The following SCN1A variants were observed in gnomAD, a reference collection of about 807,000 sequenced individuals.
The protein encoded by SCN1A is sodium voltage-gated channel alpha subunit 1.
Under a neutral mutation model 193.7 loss-of-function variants are expected in SCN1A, and 13 were observed. That is an observed-to-expected ratio of 0.07 (90% CI 0.04 to 0.11). SCN1A has a LOEUF of 0.11. Ranked by LOEUF, SCN1A falls within the 10% of genes least tolerant of loss-of-function variation. SCN1A has a pLI of 1.00. For synonymous variants in SCN1A, 781 were observed against 843.6 expected, an observed-to-expected ratio of 0.93 and a Z score of 1.29; for missense variants, 1,432 against 2,451.1, an observed-to-expected ratio of 0.58 and a Z score of 8.78.
intron 22 of SCN1A, among the ~76,000 whole-genome samples, chr2:166,011,171 T>A (rs1463718202): frequency 1.3e-5 from 2 of 151,132 alleles, no homozygotes; most frequent in Non-Finnish European, 3.0e-5. Context: ...AATAGCTTAG[T>A]TTTGCCTTTG....
rs571513515 is a variant in SCN1A at position 166,009,912 on chromosome 2, A to G, written c.3880-71T>C. On this transcript the variant is annotated intron_variant, in intron 22 of 28. Transcript: ENST00000674923. ...CAATGTGTAGTTGCTATATAATACA[A>G]CAAGTATAATTTTTGCTTATAATTA... 2.0e-5 allele frequency: 28 copies of G among 1,421,258 alleles called. No homozygotes were observed. The East Asian group carries it at 4.7e-4, about 24-fold the overall frequency. 88.0% of individuals were successfully genotyped at this position (1,421,258 alleles called of 1,614,324 possible).
chr2:166,078,176 G>A (rs1404711666), intron 2 of SCN1A, among the ~76,000 whole-genome samples: 1 of 151,626 alleles, frequency 6.6e-6, no homozygotes, highest in South Asian at 2.1e-4. Context: ...GGGTGATTAT[G>A]ATATATCAAA....
chr2:165,993,396 A>T (rs1343688745), intron 28 of SCN1A: 1 of 152,094 alleles, frequency 6.6e-6, no homozygotes, highest in Non-Finnish European at 1.5e-5. Flanking sequence ...CTCGTTTTGG[A>T]TAGTAAAATA....
rs1691045272 is a variant in SCN1A, at chr2:166,002,536, C to T, written c.4220G>A (p.Arg1407Gln). ...AAAGTTTACTTTCACATTTTTCCAT[C>T]GAGCAGTCTCATTTCTTTCTATTAG... ...LKLIERNETARWKNVKVNFDN... is the reference protein window; with the variant it reads ...LKLIERNETAQWKNVKVNFDN... The change falls in exon 24 of 29, where the codon CGA becomes CAA. Residue 1407 changes from arginine to glutamine, a missense_variant. By Grantham distance (43) the Arg-to-Gln change is conservative. Transcript: ENST00000674923. 5.6e-6 allele frequency: 9 copies of T among 1,611,634 alleles called. No individual in the cohort carries two copies. In the Middle Eastern group the frequency reaches 6.6e-4, roughly 119 times the overall value.
chr2:166,051,667 C>T (rs1479046825), intron 9 of SCN1A, 52 bp downstream of exon 9: 30 of 1,407,910 alleles, frequency 2.1e-5, no homozygotes, highest in Non-Finnish European at 2.8e-5. Flanking sequence ...CTTTGTGTTA[C>T]AAACAATCCA....
At chr2:166,069,551 CAG>C (rs1443551321) in intron 4 of SCN1A, among the ~76,000 whole-genome samples, 1 of 152,178 alleles carries the variant, frequency 6.6e-6, no homozygotes, top group Non-Finnish European at 1.5e-5. Flanking sequence ...TAAAAGATTA[CAG>C]AGAGCTTCAG....
At chr2:166,089,488 C>A (rs146469656) in intron 2 of SCN1A, among the ~76,000 whole-genome samples, 2 of 151,736 alleles carry the variant, frequency 1.3e-5, no homozygotes, top group African/African-American at 4.8e-5. Flanking sequence ...AGACTACTTA[C>A]TTCTCAATGT....
chr2:166,000,473 C>G (rs1052273090), intron 24 of SCN1A, among the ~76,000 whole-genome samples: 1 of 151,668 alleles, frequency 6.6e-6, no homozygotes, highest in African/African-American at 2.4e-5. Flanking sequence ...AGGCTAACAA[C>G]TTACAGTAAT....
intron 19 of SCN1A, among the ~76,000 whole-genome samples, chr2:166,034,793 G>A (rs563981859): frequency 6.6e-6 from 1 of 152,086 alleles, no homozygotes; most frequent in African/African-American, 2.4e-5. Context: ...TAGGGCTGGT[G>A]CACTTATAAG....
chr2:166,020,929 C>T (rs1480726781), intron 19 of SCN1A, among the ~76,000 whole-genome samples: 2 of 152,200 alleles, frequency 1.3e-5, no homozygotes, highest in East Asian at 1.9e-4. Context: ...AACAAGGCAC[C>T]TAAAGTGACA....
In SCN1A at chr2:166,021,449, G is replaced by A. The variant is rs564694819; in HGVS notation, c.3430-5722C>T. Among the ~76,000 whole-genome samples the A allele has an allele frequency of 1.1e-4, 17 of 152,152 alleles. No individual in the cohort carries two copies. The South Asian group carries it at 3.3e-3, about 30-fold the overall frequency. On this transcript the variant is annotated intron_variant, in intron 19 of 28. Transcript: ENST00000674923. Reference sequence around the variant, plus strand: ...AGCCAAAACATGGGGAACAACAAGAGTTTTGATTGGCATGTTAAATAAGGA... The same window carrying A: ...AGCCAAAACATGGGGAACAACAAGAATTTTGATTGGCATGTTAAATAAGGA...
chr2:166,049,643 C>G (rs1476796995), intron 9 of SCN1A, among the ~76,000 whole-genome samples: 1 of 151,928 alleles, frequency 6.6e-6, no homozygotes, highest in Non-Finnish European at 1.5e-5. Context: ...CTTGCAATGT[C>G]CAGTTCTTCT....
chr2:166,073,299 C>T, intron 4 of SCN1A, 59 bp downstream of exon 4: 2 of 1,599,554 alleles, frequency 1.3e-6, no homozygotes, highest in Non-Finnish European at 1.7e-6. Flanking sequence ...GGTGCTACAA[C>T]AGTCCAAGGA....
intron 2 of SCN1A, chr2:166,081,803 A>G (rs944796396): frequency 6.6e-6 from 1 of 151,820 alleles, no homozygotes; most frequent in African/African-American, 2.4e-5. Context: ...CAATTCTCTC[A>G]TTTTCTCCTC....
intron 1 of SCN1A, among the ~76,000 whole-genome samples, chr2:166,136,997 T>G (rs773674830): frequency 6.6e-6 from 1 of 152,218 alleles, no homozygotes; most frequent in Non-Finnish European, 1.5e-5. Flanking sequence ...AGTCTTTCCC[T>G]CTACTTGTCC....
At chr2:166,077,108 T>G (rs146492590) in intron 3 of SCN1A, 2 of 152,020 alleles carry the variant, frequency 1.3e-5, no homozygotes, top group Non-Finnish European at 2.9e-5. Context: ...GAGGAGGAAT[T>G]GTGCCAGCTT....
chr2:165,997,086 C>T (rs1295243522), intron 26 of SCN1A, among the ~76,000 whole-genome samples: 1 of 151,064 alleles, frequency 6.6e-6, no homozygotes, highest in Non-Finnish European at 1.5e-5. Context: ...TTATATTACT[C>T]TAGGGGAGTA....
chr2:166,059,019 A>G (rs183150220), intron 4 of SCN1A, among the ~76,000 whole-genome samples: 199 of 152,234 alleles, frequency 1.3e-3, no homozygotes, highest in Non-Finnish European at 1.9e-3. Context: ...ATTTCATTTC[A>G]TTCCAAAAAA....
rs1697635871 is a variant in SCN1A, at chr2:166,045,083, T to C, written c.1622A>G (p.Asn541Ser). 4.3e-6 allele frequency: 7 copies of C among 1,614,184 alleles called. No individual in the cohort carries two copies. Among genetic ancestry groups the C allele is most frequent in the Non-Finnish European group, 5.9e-6 (7 of 1,180,012 alleles). The change falls in exon 13 of 29, where the codon AAC (asparagine) becomes AGC (serine). Residue 541 changes from asparagine (N) to serine (S), a missense_variant. Asn to Ser is a conservative substitution (Grantham distance 46). Coordinates refer to ENST00000674923, the MANE Select transcript of SCN1A (RefSeq NM_001165963.4). ...RKGFRFSIEG[N>S]RLTYEKRYSS... is the part of the protein sequence containing the mutation. The stretch of plus-strand genomic sequence containing the variant: ...GTACCTCTTTTCATATGTCAATCGG[T>C]TCCCTTCAATGGAGAAGCGAAAACC...
Sources: allele counts gnomAD v4.1 joint callset (sites outside exome capture counted in the v4.1 genomes callset), GRCh38; gene constraint gnomAD v4.1.1; transcripts MANE v1.5; gene names NCBI Gene and HGNC (gene_info 2026-07-23, HGNC 2026-07-21).